EPHA4: variants seen among roughly 807,000 people sequenced by gnomAD.
EPHA4 encodes EPH receptor A4.
A neutral mutation model predicts 108.3 loss-of-function variants in EPHA4; 19 were observed. The ratio of observed to expected loss-of-function variants is 0.18; its 90% CI spans 0.12 to 0.26. EPHA4 has a LOEUF of 0.26. Among genes scored for constraint, EPHA4 ranks in the 10% least tolerant of loss-of-function variants. EPHA4 has a pLI of 1.00. For synonymous variants in EPHA4, 449 were observed against 455.5 expected (o/e 0.99, Z 0.18); for missense variants, 917 against 1,254.0 (o/e 0.73, Z 4.06).
chr2:221,455,611 C>A lies in EPHA4; in HGVS notation c.1651G>T (p.Val551Phe). The A allele has an allele frequency of 6.2e-7, 1 of 1,613,874 alleles. No individual in the cohort carries two copies. Among genetic ancestry groups the A allele is most frequent in the Non-Finnish European group, 8.5e-7 (1 of 1,179,900 alleles). ...AGCACCACACTGCCCGAGACAGAGA[C>A]CAGAAGGACTGTGGAGTTAGCCCCA... ...GDGANSTVLLVSVSGSVVLVV... is the reference protein window; with the variant it reads ...GDGANSTVLLFSVSGSVVLVV... The change falls in exon 8 of 18, where the codon GTC (valine) becomes TTC (phenylalanine). Residue 551 changes from valine to phenylalanine, a missense_variant. Physicochemically the swap from Val to Phe is conservative, Grantham distance 50. This residue lies in a region of EPHA4 where 758 missense variants were observed against 1,076.7 expected (regional missense o/e 0.70). Coordinates refer to ENST00000281821, the MANE Select transcript of EPHA4 (RefSeq NM_004438.5).
chr2:221,421,051 C>A (rs1689745412), intron 17 of EPHA4, among the ~76,000 whole-genome samples: 1 of 152,174 alleles, frequency 6.6e-6, no homozygotes, highest in Admixed American at 6.5e-5. Context: ...GTAATCCCAG[C>A]GTTTTGGGAG....
intron 3 of EPHA4, among the ~76,000 whole-genome samples, chr2:221,545,507 C>T (rs1437332798): frequency 1.3e-5 from 2 of 152,028 alleles, no homozygotes; most frequent in East Asian, 3.9e-4. Flanking sequence ...AAGGTGACCA[C>T]CCTCCTTTCC....
intron 13 of EPHA4, among the ~76,000 whole-genome samples, chr2:221,435,738 A>G (rs1233371757): frequency 1.3e-5 from 2 of 152,182 alleles, no homozygotes; most frequent in African/African-American, 4.8e-5. Context: ...CTGTGTCCTA[A>G]TCCCCGCTTA....
Position 221,457,869 on chromosome 2 carries a change from C to T in EPHA4, c.1440G>A (p.Glu480=), listed in dbSNP as rs1271972732. The change falls in exon 6 of 18, where the codon GAG becomes GAA. Residue 480 remains glutamate (E), a synonymous_variant. Transcript: ENST00000281821. ...VILEYEVKYY[E]KDQNERSYRI... ...GTGTTGTTCACTCAAGTAATACCTT[C>T]TCATAATACTTGACTTCATATTCCA... is the stretch of plus-strand genomic sequence containing the variant. 3.1e-6 allele frequency: 5 copies of T among 1,613,282 alleles called. No homozygotes were observed. The Admixed American group carries it at 8.3e-5, about 27-fold the overall frequency.
chr2:221,569,068 G>A (rs1694753429), intron 1 of EPHA4, among the ~76,000 whole-genome samples: 1 of 152,162 alleles, frequency 6.6e-6, no homozygotes, highest in South Asian at 2.1e-4. Flanking sequence ...AGAATCTGAA[G>A]TACAATTCAA....
chr2:221,565,323 A>G (rs1329670441), intron 2 of EPHA4, among the ~76,000 whole-genome samples: 1 of 152,186 alleles, frequency 6.6e-6, no homozygotes, highest in Non-Finnish European at 1.5e-5. Flanking sequence ...TTTCACTGTC[A>G]TTATAGCTTT....
At chr2:221,489,490 TC>T (rs1433702940) in intron 4 of EPHA4, among the ~76,000 whole-genome samples, 1 of 152,166 alleles carries the variant, frequency 6.6e-6, no homozygotes, top group Non-Finnish European at 1.5e-5. Flanking sequence ...GAATTCTCAC[TC>T]CCGGCCCTTT....
At chr2:221,515,835 G>T (rs887757989) in intron 3 of EPHA4, among the ~76,000 whole-genome samples, 2 of 151,634 alleles carry the variant, frequency 1.3e-5, no homozygotes, top group Non-Finnish European at 2.9e-5. Flanking sequence ...AATAATAAAA[G>T]ACATAGATCT....
chr2:221,511,877 A>G (rs1392309119), intron 3 of EPHA4, among the ~76,000 whole-genome samples: 3 of 152,214 alleles, frequency 2.0e-5, no homozygotes, highest in African/African-American at 7.2e-5. Context: ...CCATTAGAGC[A>G]CTGAAAATTT....
chr2:221,436,475 T>C lies in EPHA4; in HGVS notation c.2270A>G (p.Asn757Ser). ...LAARNILVNS[N>S]LVCKVSDFGM... ...AAAATCAGACACTTTGCAGACCAAG[T>C]TGCTGTTCACCAGGATGTTCCGTGC... The change falls in exon 13 of 18, where the codon AAC becomes AGC. Residue 757 changes from asparagine to serine, a missense_variant. Transcript: ENST00000281821. The C allele has an allele frequency of 1.2e-6, 2 of 1,614,166 alleles. No homozygotes were observed. Among genetic ancestry groups the C allele is most frequent in the Non-Finnish European group, 1.7e-6 (2 of 1,180,014 alleles).
Position 221,571,185 on chromosome 2 carries a change from C to CGCAGACATGCACACACACCACACAT in EPHA4, c.91+948_91+972dup, listed in dbSNP as rs1473061308. On this transcript the variant is annotated intron_variant, in intron 1 of 17. Transcript: ENST00000281821. This position sits in a 1 kb window ranked among gnomAD's most constrained non-coding sequence, Gnocchi z 6.3. Reference sequence around the variant, plus strand: ...ACACACACGCAGACATGCACACACACGCAGACATGCACACACACCACACAT... The same window carrying CGCAGACATGCACACACACCACACAT: ...ACACACACGCAGACATGCACACACACGCAGACATGCACACACACCACACATGCAGACATGCACACACACCACACAT... 6.7e-6 allele frequency among the ~76,000 whole-genome samples: 1 copy of CGCAGACATGCACACACACCACACAT among 148,888 alleles called. No individual in the cohort carries two copies. Among genetic ancestry groups the CGCAGACATGCACACACACCACACAT allele is most frequent in the Admixed American group, 6.7e-5 (1 of 14,982 alleles).
At chr2:221,433,816 G>A (rs116356815) in intron 14 of EPHA4, among the ~76,000 whole-genome samples, 3,883 of 152,098 alleles carry the variant, frequency 0.026, 163 homozygotes, top group African/African-American at 0.089. Flanking sequence ...CATAATCTTT[G>A]CATTTTCTTA....
chr2:221,457,950 T>C lies in EPHA4; in HGVS notation c.1359A>G (p.Thr453=). The change falls in exon 6 of 18, where the codon ACA becomes ACG. Residue 453 remains threonine (T), a synonymous_variant. Coordinates refer to ENST00000281821, the MANE Select transcript of EPHA4 (RefSeq NM_004438.5). ...SIALVQAKEV[T]RYSVALAWLE... The stretch of plus-strand genomic sequence containing the variant: ...GCCAAGCCAGTGCCACACTGTATCT[T>C]GTGACTTCTTTAGCCTGGACCAAAG... 1 of 1,613,824 alleles carries C rather than the reference T, an allele frequency of 6.2e-7. No homozygotes were observed. Among genetic ancestry groups the C allele is most frequent in the Non-Finnish European group, 8.5e-7 (1 of 1,179,746 alleles).
intron 3 of EPHA4, among the ~76,000 whole-genome samples, chr2:221,552,952 T>C (rs575289480): frequency 6.6e-6 from 1 of 152,324 alleles, no homozygotes; most frequent in South Asian, 2.1e-4. Context: ...TGATGAATAC[T>C]TGGGCCTCTC....
At chr2:221,497,587 A>G (rs1368368355) in intron 4 of EPHA4, among the ~76,000 whole-genome samples, 3 of 152,064 alleles carry the variant, frequency 2.0e-5, no homozygotes, top group African/African-American at 7.2e-5. Flanking sequence ...AAAAACAAAA[A>G]CAAAAACAGG....
At chr2:221,449,480 T>C (rs1014300269) in intron 8 of EPHA4, among the ~76,000 whole-genome samples, 1 of 152,286 alleles carries the variant, frequency 6.6e-6, no homozygotes, top group African/African-American at 2.4e-5. Flanking sequence ...GTGGAGTGTT[T>C]TGTTAGTGAA....
chr2:221,438,502 C>T (rs1444244332), intron 11 of EPHA4, among the ~76,000 whole-genome samples: 1 of 151,998 alleles, frequency 6.6e-6, no homozygotes, highest in African/African-American at 2.4e-5. Flanking sequence ...AAAATATTCA[C>T]ACTGGCAGGG....
At chr2:221,434,436 C>T (rs767953476) in intron 13 of EPHA4, 145 bp from the exon 14 acceptor site, 127 of 807,920 alleles carry the variant, frequency 1.6e-4, no homozygotes, top group Non-Finnish European at 2.2e-4. Context: ...TTCATTTTAA[C>T]GCAAGTCTTC....
intron 3 of EPHA4, among the ~76,000 whole-genome samples, chr2:221,502,919 T>C (rs774493567): frequency 1.3e-5 from 2 of 152,198 alleles, no homozygotes; most frequent in Non-Finnish European, 2.9e-5. Context: ...ATGACTGAGA[T>C]TTATGTGTCT....
Sources: gnomAD v4.1 joint callset for allele counts (sites outside exome capture counted in the v4.1 genomes callset) on GRCh38, gnomAD v4.1.1 for gene constraint, gnomAD v4.1.1 regional missense constraint, Gnocchi (gnomAD v3.1) non-coding constraint, MANE v1.5 for transcripts, NCBI Gene and HGNC (gene_info 2026-07-23, HGNC 2026-07-21) for gene names.